ARHGEF10: variants seen among roughly 807,000 people sequenced by gnomAD.
The protein encoded by ARHGEF10 is Rho guanine nucleotide exchange factor (GEF) 10.
ARHGEF10 carries 140 observed loss-of-function variants against 147.4 expected under a neutral mutation model. The observed-to-expected ratio is 0.95, with a 90% CI of 0.83 to 1.09. ARHGEF10 has a LOEUF of 1.09. Among genes scored for constraint, ARHGEF10 ranks in the 50% least tolerant of loss-of-function variants. The pLI, the probability that ARHGEF10 is intolerant of heterozygous loss-of-function variation, is 0.00. For synonymous variants in ARHGEF10, 902 were observed against 695.8 expected (o/e 1.30, Z -4.67); for missense variants, 2,222 against 1,752.7 (o/e 1.27, Z -4.78).
chr8:1,878,456 A>G (rs1490657617), intron 8 of ARHGEF10, among the ~76,000 whole-genome samples: 1 of 152,160 alleles, frequency 6.6e-6, no homozygotes, highest in African/African-American at 2.4e-5. Flanking sequence ...AAGTGCTGGG[A>G]TTACAGGCAT....
chr8:1,831,693 G>A (rs140174995), intron 1 of ARHGEF10, among the ~76,000 whole-genome samples: 1 of 152,364 alleles, frequency 6.6e-6, no homozygotes, highest in African/African-American at 2.4e-5. Flanking sequence ...TGGTGTCAGC[G>A]CCCACTGCAG....
intron 2 of ARHGEF10, among the ~76,000 whole-genome samples, chr8:1,844,259 C>G (rs1030064966): frequency 2.0e-5 from 3 of 152,128 alleles, no homozygotes; most frequent in African/African-American, 7.2e-5. Context: ...ACTACGTGGA[C>G]ACTCTGGGCC....
At chr8:1,931,890 C>T (rs960234160) in intron 25 of ARHGEF10, among the ~76,000 whole-genome samples, 5 of 152,196 alleles carry the variant, frequency 3.3e-5, no homozygotes, top group Non-Finnish European at 5.9e-5. Flanking sequence ...GAATGACCCA[C>T]CCAGGTGCTC....
In ARHGEF10 at chr8:1,898,466, C is replaced by A. The variant is rs140110093; in HGVS notation, c.1591C>A (p.Leu531Ile). 2.5e-6 allele frequency: 4 copies of A among 1,614,154 alleles called. No homozygotes were observed. Among genetic ancestry groups the A allele is most frequent in the African/African-American group, 1.3e-5 (1 of 75,052 alleles). The change falls in exon 15 of 29, where the codon CTC becomes ATC. Residue 531 changes from leucine to isoleucine, a missense_variant. Transcript: ENST00000349830. The part of the protein sequence containing the change: ...EQEASPDRTT[L>I]YSLMMKPIQR... ...GGAGGCCAGCCCCGATCGAACCACG[C>A]TCTACAGCCTGATGATGAAGCCCAT...
intron 25 of ARHGEF10, among the ~76,000 whole-genome samples, chr8:1,930,616 C>T (rs1813052255): frequency 6.6e-6 from 1 of 152,142 alleles, no homozygotes; most frequent in African/African-American, 2.4e-5. Flanking sequence ...GTTCTCTCTG[C>T]TCTGAGTGCT....
At chr8:1,855,135 C>T (rs983586669) in intron 2 of ARHGEF10, among the ~76,000 whole-genome samples, 1 of 152,160 alleles carries the variant, frequency 6.6e-6, no homozygotes. Context: ...CCCAACAGCT[C>T]ATGTTTCTCC....
chr8:1,913,662 C>G (rs527522410), intron 18 of ARHGEF10, among the ~76,000 whole-genome samples: 1 of 152,346 alleles, frequency 6.6e-6, no homozygotes, highest in South Asian at 2.1e-4. Context: ...GGCCCTGCAG[C>G]TTCCAGAAGG....
intron 1 of ARHGEF10, among the ~76,000 whole-genome samples, chr8:1,841,900 G>A (rs1285844835): frequency 2.8e-5 from 3 of 105,722 alleles, no homozygotes; most frequent in Admixed American, 1.0e-4. Context: ...GCGGGAACTG[G>A]GGCCGCGGCG....
chr8:1,888,298 AGGGTTTGTGAGGATATGCTGAGTGGG>A (rs1808953766), intron 11 of ARHGEF10, among the ~76,000 whole-genome samples: 1 of 62,570 alleles, frequency 1.6e-5, no homozygotes, highest in African/African-American at 7.7e-5. Context: ...GGGTGGGGTG[AGGGTTTGTGAGGATATGCTGAGTGGG>A]ATGTTGACTG....
At chr8:1,827,721 G>A (rs543985260) in intron 1 of ARHGEF10, among the ~76,000 whole-genome samples, 5 of 152,312 alleles carry the variant, frequency 3.3e-5, no homozygotes, top group Admixed American at 2.6e-4. Flanking sequence ...GCTATATGGG[G>A]GTTGTTGGTA....
Position 1,905,345 on chromosome 8 carries a change from C to T in ARHGEF10, c.1822-226C>T, listed in dbSNP as rs114274771. On this transcript the variant is annotated intron_variant, in intron 16 of 28. Coordinates refer to ENST00000349830, the MANE Select transcript of ARHGEF10 (RefSeq NM_014629.4). The stretch of plus-strand genomic sequence containing the variant: ...CAAAACAATTCCTTGCATTCCTCAC[C>T]GTTCCTGGTTAATGTAGTGTTTAAA... Among the ~76,000 whole-genome samples the T allele has an allele frequency of 1.3e-4, 20 of 152,242 alleles. No homozygotes were observed. The South Asian group carries it at 2.7e-3, about 21-fold the overall frequency.
intron 9 of ARHGEF10, among the ~76,000 whole-genome samples, chr8:1,881,840 T>G (rs1282888661): frequency 2.0e-5 from 3 of 152,192 alleles, no homozygotes; most frequent in African/African-American, 7.2e-5. Context: ...GAGAGGTCCC[T>G]GGGATGGGGA....
intron 16 of ARHGEF10, chr8:1,903,773 A>C: frequency 2.5e-6 from 1 of 401,390 alleles, no homozygotes; most frequent in South Asian, 2.3e-5. Context: ...AACGGTATTT[A>C]ATTTCAGATA....
Position 1,925,265 on chromosome 8 carries a change from C to G in ARHGEF10, c.2489-18C>G. The G allele has an allele frequency of 3.7e-6, 6 of 1,614,124 alleles. No homozygotes were observed. Among genetic ancestry groups the G allele is most frequent in the Non-Finnish European group, 5.1e-6 (6 of 1,180,004 alleles). On this transcript the variant is annotated intron_variant, in intron 21 of 28. Coordinates refer to ENST00000349830, the MANE Select transcript of ARHGEF10 (RefSeq NM_014629.4). ...GTTAACTGCATTCTTGCTCATTTCT[C>G]TCTGAATATAATTGCAGAAGAGGAG...
chr8:1,950,309 G>A (rs963406196), intron 27 of ARHGEF10, among the ~76,000 whole-genome samples: 2 of 152,150 alleles, frequency 1.3e-5, no homozygotes, highest in African/African-American at 2.4e-5. Flanking sequence ...GGCACTCACC[G>A]CAGCCTCTGG....
At chr8:1,859,195 C>T (rs528759917) in intron 3 of ARHGEF10, among the ~76,000 whole-genome samples, 28 of 149,148 alleles carry the variant, frequency 1.9e-4, no homozygotes, top group Admixed American at 8.7e-4. Context: ...CGGTTGTTTG[C>T]CCGGTGTTTC....
chr8:1,877,002 T>G (rs1245808882), intron 8 of ARHGEF10, among the ~76,000 whole-genome samples: 1 of 152,262 alleles, frequency 6.6e-6, no homozygotes, highest in Non-Finnish European at 1.5e-5. Flanking sequence ...AAGAAAGTAG[T>G]TATTCTCTGA....
rs201694611 is a variant in ARHGEF10 at position 1,894,540 on chromosome 8, G to A, written c.1408G>A (p.Val470Met). ...LASRVSEWDSVEMIGDVFVAS... is the reference protein window; with the variant it reads ...LASRVSEWDSMEMIGDVFVAS... ...CAGCCGCGTTTCCGAGTGGGACTCC[G>A]TGGAAATGATAGGCGATGTCTTCGT... is the stretch of plus-strand genomic sequence containing the variant. Residue 470 changes from valine to methionine, a missense_variant, in exon 13 of 29, where the codon GTG (valine) becomes ATG (methionine). By Grantham distance (21) the Val-to-Met change is conservative. Transcript: ENST00000349830. 8.6e-5 allele frequency: 139 copies of A among 1,614,046 alleles called. No homozygotes were observed. Among genetic ancestry groups the A allele is most frequent in the Middle Eastern group, 1.6e-4 (1 of 6,082 alleles).
chr8:1,908,197 G>A (rs934798194), intron 17 of ARHGEF10, among the ~76,000 whole-genome samples: 2 of 150,686 alleles, frequency 1.3e-5, no homozygotes, highest in South Asian at 2.1e-4. Context: ...CATAGCACCC[G>A]GCATTTTGGT....
Sources: gnomAD v4.1 joint callset for allele counts (sites outside exome capture counted in the v4.1 genomes callset) on GRCh38, gnomAD v4.1.1 for gene constraint, MANE v1.5 for transcripts, NCBI Gene and HGNC (gene_info 2026-07-23, HGNC 2026-07-21) for gene names.